The following ZNF441 variants were observed in gnomAD, a reference collection of about 807,000 sequenced individuals.
ZNF441 encodes zinc finger protein 441.
Under a neutral mutation model 64.5 loss-of-function variants are expected in ZNF441, and 25 were observed. The observed-to-expected ratio is 0.39, with a 90% CI of 0.28 to 0.54. The LOEUF is 0.54. Among genes scored for constraint, ZNF441 ranks in the 20% least tolerant of loss-of-function variants. The probability of loss-of-function intolerance (pLI) is 0.70; values close to 1 mark genes in which losing one functional copy is unlikely to be tolerated. For missense variants in ZNF441, 715 were observed against 843.3 expected, an observed-to-expected ratio of 0.85 and a Z score of 1.88; for synonymous variants, 262 against 268.0, an observed-to-expected ratio of 0.98 and a Z score of 0.22.
chr19:11,772,026 A>G lies in ZNF441; in HGVS notation c.3+4830A>G, dbSNP rs1298196229. Among the ~76,000 whole-genome samples, 9 of 152,140 alleles carry G rather than the reference A, an allele frequency of 5.9e-5. No individual in the cohort carries two copies. The East Asian group carries it at 1.4e-3, about 23-fold the overall frequency. ...TCTGCCTTCTAGATAGCGGTAGTAA[A>G]TTAGTGAAAGTACTAAAAGTCTCTG... On this transcript the variant is annotated intron_variant, in intron 1 of 3. Transcript: ENST00000357901.
At chr19:11,772,081 T>G (rs550106106) in intron 1 of ZNF441, among the ~76,000 whole-genome samples, 1 of 152,290 alleles carries the variant, frequency 6.6e-6, no homozygotes, top group East Asian at 1.9e-4. Flanking sequence ...TAAGCTGTCT[T>G]TCTCTCTGTC....
Position 11,783,339 on chromosome 19 carries a change from A to G in ZNF441, c.*1433A>G, listed in dbSNP as rs923728443. The G allele has an allele frequency of 8.5e-5, 13 of 152,222 alleles. No homozygotes were observed. Among genetic ancestry groups the G allele is most frequent in the African/African-American group, 2.2e-4 (9 of 41,464 alleles). 9.4% of individuals were successfully genotyped at this position (152,222 alleles called of 1,614,324 possible). ...GAAAACTTTCACTGTTGGTGAAAGT[A>G]TAAATTAGAACAACTACTGTGGAAA... On this transcript the variant is annotated 3_prime_UTR_variant, in exon 4 of 4. Coordinates refer to ENST00000357901, the MANE Select transcript of ZNF441 (RefSeq NM_152355.3).
intron 1 of ZNF441, among the ~76,000 whole-genome samples, chr19:11,769,344 A>C (rs1020697974): frequency 6.6e-6 from 1 of 152,146 alleles, no homozygotes; most frequent in Non-Finnish European, 1.5e-5. Context: ...ATTTCTGTTG[A>C]AGTGTCCCTC....
At position 11,782,006 on chromosome 19, in the gene ZNF441, A is replaced by G; in HGVS notation, c.*100A>G. On this transcript the variant is annotated 3_prime_UTR_variant, in exon 4 of 4. Coordinates refer to ENST00000357901, the MANE Select transcript of ZNF441 (RefSeq NM_152355.3). ...TCACACTGAAAAAAGTTGTATGAAT[A>G]TAAAAATGTACTAAAACCTTCCATT... 1 of 1,011,058 alleles carries G rather than the reference A, an allele frequency of 9.9e-7. No individual in the cohort carries two copies. Among genetic ancestry groups the G allele is most frequent in the Non-Finnish European group, 1.4e-6 (1 of 735,344 alleles). The allele number at this position is 1,011,058 out of a possible 1,614,324, so 62.6% of individuals were successfully genotyped here.
chr19:11,774,865 T>C (rs955284841), intron 1 of ZNF441, among the ~76,000 whole-genome samples: 6 of 152,212 alleles, frequency 3.9e-5, no homozygotes, highest in South Asian at 2.1e-4. Context: ...AAGCAGACAT[T>C]TGAATGTTAT....
intron 2 of ZNF441, 102 bp downstream of exon 2, chr19:11,777,839 C>A: frequency 7.2e-7 from 1 of 1,397,994 alleles, no homozygotes; most frequent in Non-Finnish European, 9.6e-7. Flanking sequence ...ATATAATTGG[C>A]CCTTGAACCA....
chr19:11,774,290 G>T (rs1251822372), intron 1 of ZNF441, among the ~76,000 whole-genome samples: 1 of 152,070 alleles, frequency 6.6e-6, no homozygotes, highest in East Asian at 1.9e-4. Context: ...GATCAGATAG[G>T]TATAAGAAAA....
At chr19:11,779,918 AAAAAGAAAAGAAAGAAAG>A (rs1975384836) in intron 3 of ZNF441, 83 bp from the exon 4 acceptor site, 4 of 1,148,180 alleles carry the variant, frequency 3.5e-6, no homozygotes, top group Non-Finnish European at 4.9e-6. Flanking sequence ...CTCAGAAAAA[AAAAAGAAAAGAAAGAAAG>A]AAAAGAAATG....
intron 3 of ZNF441, among the ~76,000 whole-genome samples, chr19:11,779,719 C>T (rs1975382438): frequency 6.6e-6 from 1 of 151,584 alleles, no homozygotes; most frequent in Non-Finnish European, 1.5e-5. Context: ...TGCACTCCAG[C>T]CTGGGCAACA....
Position 11,777,747 on chromosome 19 carries a change from T to A in ZNF441, c.130+10T>A, listed in dbSNP as rs45559636. On this transcript the variant is annotated intron_variant, in intron 2 of 3. Transcript: ENST00000357901. ...AACCTGGACTGTATAGGTAAGGATG[T>A]CATCATGTCTTCACTTAGTCAATTA... 0.017 allele frequency: 27,458 copies of A among 1,599,148 alleles called. 333 individuals carry two copies. The highest frequency in any genetic ancestry group is 0.021 in the Non-Finnish European group (24,151 of 1,175,178).
chr19:11,780,539 A>G lies in ZNF441; in HGVS notation c.715A>G (p.Thr239Ala), dbSNP rs749095887. ...TACAGCGTTTCCTGCTTATAGTTCC[A>G]CTCTAAGACATGAAAGAACACACAG... Reference protein sequence around the residue: ...CSTAFPAYSSTLRHERTHSGE... With the variant: ...CSTAFPAYSSALRHERTHSGE... The change falls in exon 4 of 4, where the codon ACT (threonine) becomes GCT (alanine). Residue 239 changes from threonine (T) to alanine (A), a missense_variant. Physicochemically the swap from Thr to Ala is moderately conservative, Grantham distance 58 (BLOSUM62 0). Transcript: ENST00000357901. 10 of 1,613,956 alleles carry G rather than the reference A, an allele frequency of 6.2e-6. No homozygotes were observed.
At position 11,780,075 on chromosome 19, in the gene ZNF441, C is replaced by G. The variant is rs748595003; in HGVS notation, c.251C>G (p.Pro84Arg). The G allele has an allele frequency of 4.3e-6, 7 of 1,613,788 alleles. No individual in the cohort carries two copies. The Admixed American group carries it at 6.7e-5, about 15-fold the overall frequency. The change falls in exon 4 of 4, where the codon CCC (proline) becomes CGC (arginine). Residue 84 changes from proline (P) to arginine (R), a missense_variant. Coordinates refer to ENST00000357901, the MANE Select transcript of ZNF441 (RefSeq NM_152355.3). ...AAAGATAATAGTCAATGTGGAGGAC[C>G]CTTTACCCAGACTCAAGACAGTATT... ...EIKDNSQCGG[P>R]FTQTQDSIVN...
chr19:11,783,613 G>A lies in ZNF441; in HGVS notation c.*1707G>A, dbSNP rs1187860919. Reference sequence around the variant, plus strand: ...CCATAAAAAAGAGTAAAATGTTATTGCTAACAACATGGATGGAACTTGAGG... The same window carrying A: ...CCATAAAAAAGAGTAAAATGTTATTACTAACAACATGGATGGAACTTGAGG... On this transcript the variant is annotated 3_prime_UTR_variant, in exon 4 of 4. Coordinates refer to ENST00000357901, the MANE Select transcript of ZNF441 (RefSeq NM_152355.3). 2 of 152,172 alleles carry A rather than the reference G, an allele frequency of 1.3e-5. No homozygotes were observed. Among genetic ancestry groups the A allele is most frequent in the African/African-American group, 4.8e-5 (2 of 41,438 alleles). The allele number at this position is 152,172 out of a possible 1,614,324, so 9.4% of individuals were successfully genotyped here. A position where few individuals can be genotyped will look rare whatever the true frequency, so the allele number is the denominator to read the frequency against.
chr19:11,770,947 A>T (rs564201591), intron 1 of ZNF441, among the ~76,000 whole-genome samples: 3 of 152,184 alleles, frequency 2.0e-5, no homozygotes, highest in South Asian at 4.1e-4. Context: ...AAAAAAAAAA[A>T]AATTGAATGC....
At chr19:11,778,471 G>C in intron 3 of ZNF441, 78 bp downstream of exon 3, 4 of 1,183,476 alleles carry the variant, frequency 3.4e-6, no homozygotes, top group Admixed American at 2.5e-5. Flanking sequence ...TATTTTGTTT[G>C]TTTTAGAGAC....
intron 3 of ZNF441, among the ~76,000 whole-genome samples, chr19:11,779,407 G>A (rs1312622640): frequency 6.6e-6 from 1 of 151,796 alleles, no homozygotes; most frequent in Non-Finnish European, 1.5e-5. Flanking sequence ...AGGTCAAGGT[G>A]GGCAGATTGC....
intron 1 of ZNF441, among the ~76,000 whole-genome samples, chr19:11,770,560 T>C (rs1975305188): frequency 6.6e-6 from 1 of 152,184 alleles, no homozygotes; most frequent in East Asian, 1.9e-4. Flanking sequence ...CTGTTCCTTT[T>C]TCTTGGGACT....
Position 11,767,094 on chromosome 19 carries a change from T to G in ZNF441, c.-100T>G, listed in dbSNP as rs910131687. On this transcript the variant is annotated 5_prime_UTR_variant, in exon 1 of 4. Coordinates refer to ENST00000357901, the MANE Select transcript of ZNF441 (RefSeq NM_152355.3). This position sits in a 1 kb window ranked among gnomAD's most constrained non-coding sequence, Gnocchi z 5.1. ...TGCACTGGGCTCCGGGTTCTGTCAC[T>G]GAGAGACGCCCTGGAACGTCTGTGG... The G allele has an allele frequency of 4.5e-6, 7 of 1,539,154 alleles. No homozygotes were observed. In the Admixed American group the frequency reaches 1.4e-4, roughly 30 times the overall value.
chr19:11,768,389 T>TA (rs923269643), intron 1 of ZNF441, among the ~76,000 whole-genome samples: 21 of 152,158 alleles, frequency 1.4e-4, no homozygotes, highest in African/African-American at 4.6e-4. Context: ...CATTTCGCTG[T>TA]AAAAAAAATG....
Sources: gnomAD v4.1 joint callset for allele counts (sites outside exome capture counted in the v4.1 genomes callset) on GRCh38, gnomAD v4.1.1 for gene constraint, Gnocchi (gnomAD v3.1) non-coding constraint, MANE v1.5 for transcripts, NCBI Gene and HGNC (gene_info 2026-07-23, HGNC 2026-07-21) for gene names.